The following HIBADH variants were observed in gnomAD, a reference collection of about 807,000 sequenced individuals.
HIBADH encodes the protein 3-hydroxyisobutyrate dehydrogenase, also known as 3-hydroxyisobutyrate dehydrogenase, mitochondrial.
HIBADH carries 25 observed loss-of-function variants against 36.1 expected under a neutral mutation model. The ratio of observed to expected loss-of-function variants is 0.69; its 90% CI spans 0.50 to 0.97. HIBADH has a LOEUF of 0.97. Ranked by LOEUF, HIBADH falls within the 50% of genes least tolerant of loss-of-function variation. HIBADH has a pLI of 0.00. For missense variants in HIBADH, 421 were observed against 418.0 expected (o/e 1.01, Z -0.06); for synonymous variants, 160 against 149.5 (o/e 1.07, Z -0.51).
At position 27,526,355 on chromosome 7, in the gene HIBADH, T is replaced by C; in HGVS notation, c.870A>G (p.Gln290=). ...TLMAKDLGLA[Q]DSATSTKSPI... ...GGCTCTTTGTGCTGGTAGCAGAGTC[T>C]TGTGCCAATCCCAGATCCTAAATCA... Residue 290 remains glutamine (Q), a synonymous_variant, in exon 8 of 8, where the codon CAA becomes CAG. Transcript: ENST00000265395. 6.2e-7 allele frequency: 1 copy of C among 1,611,712 alleles called. No homozygotes were observed. The highest frequency in any genetic ancestry group is 1.1e-5 in the South Asian group (1 of 90,552).
chr7:27,579,014 T>G (rs756574830), intron 4 of HIBADH, among the ~76,000 whole-genome samples: 8 of 152,190 alleles, frequency 5.3e-5, no homozygotes, highest in Non-Finnish European at 4.4e-5. Context: ...TATTTTTATT[T>G]TTAAAGGGAG....
chr7:27,632,944 AG>A (rs1244990753), intron 2 of HIBADH, among the ~76,000 whole-genome samples: 3 of 152,130 alleles, frequency 2.0e-5, no homozygotes, highest in Non-Finnish European at 1.5e-5. Flanking sequence ...CAAAAAAAAA[AG>A]AAGAAAGTAT....
chr7:27,655,442 G>C (rs1314701005), intron 1 of HIBADH, among the ~76,000 whole-genome samples: 1 of 152,152 alleles, frequency 6.6e-6, no homozygotes, highest in Non-Finnish European at 1.5e-5. Flanking sequence ...AAGAAAAAAA[G>C]TCAATGTGGC....
At chr7:27,535,167 A>T (rs1447587289) in intron 6 of HIBADH, among the ~76,000 whole-genome samples, 1 of 151,794 alleles carries the variant, frequency 6.6e-6, no homozygotes, top group African/African-American at 2.4e-5. Context: ...CCTGTGACAC[A>T]AACATCCCAG....
chr7:27,618,396 T>A (rs1583600869), intron 4 of HIBADH, among the ~76,000 whole-genome samples: 1 of 152,070 alleles, frequency 6.6e-6, no homozygotes, highest in African/African-American at 2.4e-5. Flanking sequence ...CTGTTGGGGG[T>A]GACCCTGTAT....
At position 27,580,551 on chromosome 7, in the gene HIBADH, T is replaced by C. The variant is rs1313605493; in HGVS notation, c.485-37451A>G. On this transcript the variant is annotated intron_variant, in intron 4 of 7. Transcript: ENST00000265395. Reference sequence around the variant, plus strand: ...GAACAGTTTAGCTCCAATTTGATCATAAAACACAAGGAAAGATTATTTATT... The same window carrying C: ...GAACAGTTTAGCTCCAATTTGATCACAAAACACAAGGAAAGATTATTTATT... 2.6e-5 allele frequency among the ~76,000 whole-genome samples: 4 copies of C among 152,178 alleles called. No individual in the cohort carries two copies. The South Asian group carries it at 8.3e-4, about 31-fold the overall frequency.
In HIBADH at chr7:27,649,482, T is replaced by G. The variant is rs1167979980; in HGVS notation, c.243A>C (p.Ala81=). Residue 81 remains alanine, a synonymous_variant, in exon 2 of 8, where the codon GCA becomes GCC. Coordinates refer to ENST00000265395, the MANE Select transcript of HIBADH (RefSeq NM_152740.4). ...FPDACKEFQD[A]GEQVVSSPAD... is the part of the protein sequence containing the mutation. ...AAAGAAAAGGTCTTACCTGTTCACC[T>G]GCATCTTGAAACTCTTTGCAGGCAT... is the stretch of plus-strand genomic sequence containing the variant. 1 of 1,610,722 alleles carries G rather than the reference T, an allele frequency of 6.2e-7. No individual in the cohort carries two copies. Among genetic ancestry groups the G allele is most frequent in the East Asian group, 2.2e-5 (1 of 44,854 alleles).
At position 27,662,835 on chromosome 7, in the gene HIBADH, G is replaced by A. The variant is rs1409578666; in HGVS notation, c.-47C>T. ...GCGGTGACCTCCGCCGCCTCCCGGA[G>A]GGCCCACAGACTGCGAGCGTGTGCA... On this transcript the variant is annotated 5_prime_UTR_variant, in exon 1 of 8. Transcript: ENST00000265395. 2.1e-6 allele frequency: 3 copies of A among 1,396,432 alleles called. No homozygotes were observed. Among genetic ancestry groups the A allele is most frequent in the South Asian group, 1.4e-5 (1 of 72,036 alleles). The allele number at this position is 1,396,432 out of a possible 1,614,324, so 86.5% of individuals were successfully genotyped here.
intron 1 of HIBADH, among the ~76,000 whole-genome samples, chr7:27,650,399 G>C (rs907548931): frequency 4.0e-5 from 6 of 151,630 alleles, no homozygotes; most frequent in Non-Finnish European, 7.4e-5. Context: ...AAGTGTAACA[G>C]TATCAGGACC....
chr7:27,591,191 C>T (rs1034283774), intron 4 of HIBADH, among the ~76,000 whole-genome samples: 1 of 152,202 alleles, frequency 6.6e-6, no homozygotes, highest in Non-Finnish European at 1.5e-5. Flanking sequence ...CTCAGAGACT[C>T]TCCAAGTCTC....
At chr7:27,661,353 C>T (rs1055054860) in intron 1 of HIBADH, among the ~76,000 whole-genome samples, 2 of 152,108 alleles carry the variant, frequency 1.3e-5, no homozygotes, top group African/African-American at 4.8e-5. Context: ...ATAATCCCAA[C>T]GCTTTGGGAG....
At chr7:27,530,590 GC>G (rs1783980782) in intron 7 of HIBADH, among the ~76,000 whole-genome samples, 1 of 152,084 alleles carries the variant, frequency 6.6e-6, no homozygotes, top group Admixed American at 6.6e-5. Flanking sequence ...AATAAGCACT[GC>G]AGAAATCTGA....
At chr7:27,562,413 G>C (rs545733813) in intron 4 of HIBADH, among the ~76,000 whole-genome samples, 4 of 152,126 alleles carry the variant, frequency 2.6e-5, no homozygotes, top group Admixed American at 2.0e-4. Flanking sequence ...GATATTTTCA[G>C]ATTTATCCAA....
chr7:27,657,644 T>C (rs1192350691), intron 1 of HIBADH, among the ~76,000 whole-genome samples: 1 of 152,128 alleles, frequency 6.6e-6, no homozygotes, highest in Non-Finnish European at 1.5e-5. Flanking sequence ...GCTCTCTTTA[T>C]TTCATCTTTC....
chr7:27,646,165 C>T (rs1036977634), intron 2 of HIBADH, among the ~76,000 whole-genome samples: 32 of 152,142 alleles, frequency 2.1e-4, no homozygotes, highest in Non-Finnish European at 1.0e-4. Flanking sequence ...ATTGTAACTC[C>T]GTGGGTACAG....
At chr7:27,652,245 T>C (rs1392947770) in intron 1 of HIBADH, among the ~76,000 whole-genome samples, 1 of 152,180 alleles carries the variant, frequency 6.6e-6, no homozygotes, top group Non-Finnish European at 1.5e-5. Context: ...TTGTAAACAT[T>C]GTATGATACT....
chr7:27,527,703 A>G (rs1388997034), intron 7 of HIBADH, among the ~76,000 whole-genome samples: 1 of 151,102 alleles, frequency 6.6e-6, no homozygotes, highest in Non-Finnish European at 1.5e-5. Context: ...CAATATTTCA[A>G]ACTTTTTCAT....
At chr7:27,573,763 A>T (rs1784663081) in intron 4 of HIBADH, among the ~76,000 whole-genome samples, 2 of 152,230 alleles carry the variant, frequency 1.3e-5, no homozygotes, top group African/African-American at 4.8e-5. Flanking sequence ...GTTCACATTC[A>T]GATGTGCTTT....
chr7:27,638,326 A>AAAAAAAAAAAAAAAAAAAAAAAAAAAG (rs1785889948), intron 2 of HIBADH, among the ~76,000 whole-genome samples: 1 of 137,888 alleles, frequency 7.3e-6, no homozygotes. Context: ...AAAAAAAAAA[A>AAAAAAAAAAAAAAAAAAAAAAAAAAAG]AAAACAAGCA....
Sources: allele counts gnomAD v4.1 joint callset (sites outside exome capture counted in the v4.1 genomes callset), GRCh38; gene constraint gnomAD v4.1.1; transcripts MANE v1.5; gene names NCBI Gene and HGNC (gene_info 2026-07-23, HGNC 2026-07-21).